Variants in AP1B1 observed in about 807,000 individuals in gnomAD.
AP1B1 encodes AP-1 complex subunit beta-1.
A neutral mutation model predicts 104.3 loss-of-function variants in AP1B1; 36 were observed. The ratio of observed to expected loss-of-function variants is 0.35; its 90% CI spans 0.26 to 0.46. The LOEUF is 0.46. AP1B1 is among the 20% of genes least tolerant of loss of function. The pLI is 1.00. For synonymous variants in AP1B1, 504 were observed against 517.5 expected (o/e 0.97, Z 0.35); for missense variants, 901 against 1,247.9 (o/e 0.72, Z 4.19).
rs189336409 is a variant in AP1B1, at chr22:29,330,035, C to T, written c.2767-315G>A. Reference sequence around the variant, plus strand: ...AGGCTCCTGGGAACCACTGTCCTCCCAGCTGGACATGCAGGCACTCACAGG... The same window carrying T: ...AGGCTCCTGGGAACCACTGTCCTCCTAGCTGGACATGCAGGCACTCACAGG... On this transcript the variant is annotated intron_variant, in intron 21 of 22. Coordinates refer to ENST00000357586, the MANE Select transcript of AP1B1 (RefSeq NM_001127.4). The T allele has an allele frequency of 1.7e-5, 24 of 1,409,060 alleles. No homozygotes were observed. In the Admixed American group the frequency reaches 5.6e-4, roughly 33 times the overall value. The allele number at this position is 1,409,060 out of a possible 1,614,324, so 87.3% of individuals were successfully genotyped here. A position where few individuals can be genotyped will look rare whatever the true frequency, so the allele number is the denominator to read the frequency against.
At chr22:29,345,648 G>C (rs965461025) in intron 11 of AP1B1, among the ~76,000 whole-genome samples, 1 of 150,648 alleles carries the variant, frequency 6.6e-6, no homozygotes. Flanking sequence ...GGGGTTACAG[G>C]CGTGAGCCGC....
At chr22:29,330,751 T>A in intron 19 of AP1B1, 42 bp from the exon 20 acceptor site, 1 of 1,552,372 alleles carries the variant, frequency 6.4e-7, no homozygotes. Flanking sequence ...GAGCCCCTCA[T>A]AAACCTGTGG....
At chr22:29,346,173 G>C (rs528748827) in intron 11 of AP1B1, among the ~76,000 whole-genome samples, 1 of 152,206 alleles carries the variant, frequency 6.6e-6, no homozygotes, top group East Asian at 1.9e-4. Context: ...ACAACAGGGA[G>C]GAGGAGCTTG....
intron 11 of AP1B1, among the ~76,000 whole-genome samples, chr22:29,344,409 T>C (rs888280989): frequency 6.6e-6 from 1 of 151,536 alleles, no homozygotes; most frequent in Non-Finnish European, 1.5e-5. Context: ...TTAGCCTGCA[T>C]ATTTAGGGCA....
intron 1 of AP1B1, among the ~76,000 whole-genome samples, chr22:29,381,500 C>T (rs1210987076): frequency 1.3e-5 from 2 of 152,154 alleles, no homozygotes; most frequent in South Asian, 2.1e-4. Context: ...TGTAAACCAA[C>T]CTCTGCTAGA....
At chr22:29,361,465 A>G (rs2148008195) in intron 3 of AP1B1, among the ~76,000 whole-genome samples, 1 of 152,278 alleles carries the variant, frequency 6.6e-6, no homozygotes, top group Non-Finnish European at 1.5e-5. Flanking sequence ...GCCATAAACC[A>G]TGTGACTCTT....
chr22:29,381,025 C>A (rs2062428714), intron 1 of AP1B1, among the ~76,000 whole-genome samples: 1 of 152,188 alleles, frequency 6.6e-6, no homozygotes, highest in Admixed American at 6.5e-5. Context: ...CAGCTCCAGC[C>A]GCACAGGCCT....
intron 11 of AP1B1, among the ~76,000 whole-genome samples, chr22:29,344,507 G>T (rs2061760323): frequency 6.7e-6 from 1 of 149,478 alleles, no homozygotes; most frequent in African/African-American, 2.5e-5. Context: ...ATACCACCCT[G>T]GCCAAGATTT....
chr22:29,349,193 C>T, intron 11 of AP1B1, 25 bp downstream of exon 11: 1 of 1,609,160 alleles, frequency 6.2e-7, no homozygotes, highest in Non-Finnish European at 8.5e-7. Context: ...TCATGACTCA[C>T]ACCCTGGCCA....
chr22:29,335,190 T>A (rs2061620559), intron 16 of AP1B1, among the ~76,000 whole-genome samples: 1 of 152,092 alleles, frequency 6.6e-6, no homozygotes. Flanking sequence ...GCAAACAGGA[T>A]GAGTTAGAGC....
At chr22:29,386,389 A>G (rs2148067205) in intron 1 of AP1B1, among the ~76,000 whole-genome samples, 1 of 152,286 alleles carries the variant, frequency 6.6e-6, no homozygotes, top group Admixed American at 6.5e-5. Flanking sequence ...CCTACACTCA[A>G]CAGATGATCT....
At chr22:29,377,712 A>C (rs2062368102) in intron 1 of AP1B1, among the ~76,000 whole-genome samples, 1 of 151,316 alleles carries the variant, frequency 6.6e-6, no homozygotes, top group African/African-American at 2.4e-5. Flanking sequence ...CTGGAGGATG[A>C]GGCAAGGAGA....
At chr22:29,385,356 A>G (rs913587182) in intron 1 of AP1B1, among the ~76,000 whole-genome samples, 1 of 152,210 alleles carries the variant, frequency 6.6e-6, no homozygotes, top group Admixed American at 6.5e-5. Flanking sequence ...ACTGTACTAC[A>G]GTCTGGGTAA....
intron 1 of AP1B1, among the ~76,000 whole-genome samples, chr22:29,381,562 T>C (rs932390221): frequency 6.6e-6 from 1 of 152,250 alleles, no homozygotes; most frequent in Non-Finnish European, 1.5e-5. Context: ...GAGATACATC[T>C]GCTCTGATTG....
chr22:29,386,226 G>A (rs1019391969), intron 1 of AP1B1, among the ~76,000 whole-genome samples: 1 of 152,184 alleles, frequency 6.6e-6, no homozygotes, highest in African/African-American at 2.4e-5. Flanking sequence ...TGAGGTAAAG[G>A]AGGGCCAGCC....
chr22:29,339,013 C>T lies in AP1B1; in HGVS notation c.2140G>A (p.Gly714Arg). 2 of 1,614,194 alleles carry T rather than the reference C, an allele frequency of 1.2e-6. No homozygotes were observed. Among genetic ancestry groups the T allele is most frequent in the Non-Finnish European group, 1.7e-6 (2 of 1,180,036 alleles). ...ACTGCTTTGGGGGCCACATATGATCCTGACAGGGTGCCCACGCCACTGGTC... is the reference window on the plus strand; with the variant it reads ...ACTGCTTTGGGGGCCACATATGATCTTGACAGGGTGCCCACGCCACTGGTC... The part of the protein sequence containing the change: ...DLTSGVGTLS[G>R]SYVAPKAVWL... The change falls in exon 16 of 23, where the codon GGA becomes AGA. Residue 714 changes from glycine to arginine, a missense_variant. Transcript: ENST00000357586.
intron 1 of AP1B1, among the ~76,000 whole-genome samples, chr22:29,380,661 G>A (rs1232436701): frequency 6.6e-6 from 1 of 151,992 alleles, no homozygotes. Flanking sequence ...ATTGGATTCC[G>A]ACCTTCAAAA....
intron 18 of AP1B1, 100 bp from the exon 19 acceptor site, chr22:29,331,633 C>G: frequency 6.4e-7 from 1 of 1,574,430 alleles, no homozygotes; most frequent in Non-Finnish European, 8.7e-7. Context: ...AGGGCCTTCC[C>G]TGGTAAACAC....
rs2061544682 is a variant in AP1B1 at position 29,330,708 on chromosome 22, G to A, written c.2526C>T (p.Asp842=). ...HILFVEDGKM[D]RQMFLATWKD... ...TCCATGTGGCCAGGAACATCTGCCG[G>A]TCTGCGGGGTGAGCAGGGTGGGGAT... Residue 842 remains aspartate, a splice_region_variant and synonymous_variant, in exon 20 of 23, where the codon GAC becomes GAT. Coordinates refer to ENST00000357586, the MANE Select transcript of AP1B1 (RefSeq NM_001127.4). The A allele has an allele frequency of 6.2e-7, 1 of 1,611,472 alleles. No individual in the cohort carries two copies. Among genetic ancestry groups the A allele is most frequent in the Non-Finnish European group, 8.5e-7 (1 of 1,179,546 alleles).
Sources: allele counts gnomAD v4.1 joint callset (sites outside exome capture counted in the v4.1 genomes callset), GRCh38; gene constraint gnomAD v4.1.1; transcripts MANE v1.5; gene names NCBI Gene and HGNC (gene_info 2026-07-23, HGNC 2026-07-21).